The following SCFD2 variants were observed in gnomAD, a reference collection of about 807,000 sequenced individuals.
SCFD2 encodes sec1 family domain-containing protein 2.
SCFD2 carries 54 observed loss-of-function variants against 58.9 expected under a neutral mutation model. That is an observed-to-expected ratio of 0.92 (90% CI 0.74 to 1.15). The LOEUF (loss-of-function observed/expected upper bound fraction) is 1.15, where lower values mean the gene tolerates loss of function less well. Ranked by LOEUF, SCFD2 falls within the 50% of genes most tolerant of loss-of-function variation. The pLI is 0.00. For synonymous variants in SCFD2, 321 were observed against 335.9 expected (o/e 0.96, Z 0.49); for missense variants, 805 against 836.6 (o/e 0.96, Z 0.47).
At chr4:52,984,231 T>C (rs754351020) in intron 5 of SCFD2, among the ~76,000 whole-genome samples, 90 of 152,230 alleles carry the variant, frequency 5.9e-4, no homozygotes, top group Non-Finnish European at 9.7e-4. Context: ...GGAGGCTATA[T>C]TGGATATATT....
At chr4:52,939,081 T>C (rs751956913) in intron 5 of SCFD2, among the ~76,000 whole-genome samples, 84 of 152,252 alleles carry the variant, frequency 5.5e-4, no homozygotes, top group African/African-American at 1.9e-3. Context: ...GGTGGACCCA[T>C]AGCACAGTCA....
At chr4:53,347,040 T>C (rs531393106) in intron 2 of SCFD2, among the ~76,000 whole-genome samples, 1 of 152,206 alleles carries the variant, frequency 6.6e-6, no homozygotes, top group Non-Finnish European at 1.5e-5. Context: ...TCACTGTGTC[T>C]CCAGTCACCC....
At chr4:53,206,195 G>A (rs765322745) in intron 4 of SCFD2, among the ~76,000 whole-genome samples, 12 of 152,150 alleles carry the variant, frequency 7.9e-5, no homozygotes, top group Non-Finnish European at 1.6e-4. Flanking sequence ...TTCTTTCAAA[G>A]TCTGTAGGCA....
At chr4:52,933,299 C>T (rs1298064120) in intron 5 of SCFD2, among the ~76,000 whole-genome samples, 2 of 152,094 alleles carry the variant, frequency 1.3e-5, no homozygotes, top group Non-Finnish European at 2.9e-5. Context: ...TTACCCGGCC[C>T]GACCCCAGTC....
intron 5 of SCFD2, among the ~76,000 whole-genome samples, chr4:52,952,459 C>T (rs1317452038): frequency 2.6e-5 from 4 of 152,126 alleles, no homozygotes; most frequent in African/African-American, 9.7e-5. Context: ...GAAAGGCTGA[C>T]AGCTCCTGAG....
At chr4:53,221,439 T>C (rs6829104) in intron 4 of SCFD2, among the ~76,000 whole-genome samples, 10,064 of 152,282 alleles carry the variant, frequency 0.066, 364 homozygotes, top group Middle Eastern at 0.12. Context: ...ATAAAAACTG[T>C]AATATTAAAT....
chr4:53,226,287 T>C (rs978602450), intron 4 of SCFD2, among the ~76,000 whole-genome samples: 1 of 152,140 alleles, frequency 6.6e-6, no homozygotes, highest in African/African-American at 2.4e-5. Context: ...TACAACATTA[T>C]TGGTAATTAT....
chr4:53,116,592 T>A (rs1267125641), intron 5 of SCFD2, among the ~76,000 whole-genome samples: 1 of 152,150 alleles, frequency 6.6e-6, no homozygotes, highest in Admixed American at 6.5e-5. Context: ...TAACAGGATA[T>A]ACTACACAGA....
intron 5 of SCFD2, among the ~76,000 whole-genome samples, chr4:52,927,385 C>G (rs1307903943): frequency 2.0e-5 from 3 of 151,922 alleles, no homozygotes; most frequent in Non-Finnish European, 4.4e-5. Context: ...TTCCGACATA[C>G]CACATGCAAT....
chr4:53,149,611 G>C (rs1404590008), intron 4 of SCFD2, among the ~76,000 whole-genome samples: 1 of 152,096 alleles, frequency 6.6e-6, no homozygotes, highest in Non-Finnish European at 1.5e-5. Context: ...TTAGTGACTT[G>C]CTTCTAAAAG....
chr4:53,056,466 G>T (rs1723343144), intron 5 of SCFD2, among the ~76,000 whole-genome samples: 2 of 152,122 alleles, frequency 1.3e-5, no homozygotes, highest in African/African-American at 4.8e-5. Context: ...AGTAAGGAAA[G>T]AGTAGATTTT....
chr4:53,039,271 A>AT (rs1057134744), intron 5 of SCFD2, among the ~76,000 whole-genome samples: 3 of 151,990 alleles, frequency 2.0e-5, no homozygotes, highest in Non-Finnish European at 4.4e-5. Flanking sequence ...ATAAATGTTC[A>AT]TTTTTTTCTT....
At chr4:52,963,662 C>G (rs1428792444) in intron 5 of SCFD2, among the ~76,000 whole-genome samples, 1 of 152,112 alleles carries the variant, frequency 6.6e-6, no homozygotes, top group Non-Finnish European at 1.5e-5. Context: ...CTTTTCTAGC[C>G]ATGATTATTT....
chr4:52,984,096 G>A (rs1043690291), intron 5 of SCFD2, among the ~76,000 whole-genome samples: 1 of 152,198 alleles, frequency 6.6e-6, no homozygotes, highest in African/African-American at 2.4e-5. Flanking sequence ...GAGAATGGTG[G>A]ATTGTTCAAA....
intron 4 of SCFD2, among the ~76,000 whole-genome samples, chr4:53,167,177 C>T (rs1727035579): frequency 6.6e-6 from 1 of 152,156 alleles, no homozygotes; most frequent in South Asian, 2.1e-4. Context: ...TGAAGTCTTC[C>T]CAGACTGGTC....
At chr4:53,356,731 CTTT>C (rs369411706) in intron 1 of SCFD2, among the ~76,000 whole-genome samples, 2 of 112,894 alleles carry the variant, frequency 1.8e-5, no homozygotes, top group Admixed American at 9.8e-5. Context: ...AACTTGTAGA[CTTT>C]TTTTTTTTTT....
At chr4:53,235,353 C>T (rs1056603787) in intron 4 of SCFD2, among the ~76,000 whole-genome samples, 1 of 152,196 alleles carries the variant, frequency 6.6e-6, no homozygotes, top group South Asian at 2.1e-4. Flanking sequence ...CAATTTATGG[C>T]AGGTACCAAT....
At chr4:53,236,725 T>C (rs1403102876) in intron 4 of SCFD2, among the ~76,000 whole-genome samples, 1 of 150,778 alleles carries the variant, frequency 6.6e-6, no homozygotes, top group African/African-American at 2.4e-5. Flanking sequence ...TATTTATATA[T>C]TTATATTGCT....
chr4:53,120,814 T>A (rs1240624153), intron 5 of SCFD2, among the ~76,000 whole-genome samples: 1 of 152,134 alleles, frequency 6.6e-6, no homozygotes, highest in African/African-American at 2.4e-5. Context: ...CATCACAAAA[T>A]AAAAATAAAA....
Sources: allele counts gnomAD v4.1 joint callset (sites outside exome capture counted in the v4.1 genomes callset), GRCh38; gene constraint gnomAD v4.1.1; transcripts MANE v1.5; gene names NCBI Gene and HGNC (gene_info 2026-07-23, HGNC 2026-07-21).